DIAPH2: variants seen among roughly 807,000 people sequenced by gnomAD.
DIAPH2 encodes diaphanous related formin 2, also known as protein diaphanous homolog 2.
Under a neutral mutation model 92.7 loss-of-function variants are expected in DIAPH2, and 35 were observed. The ratio of observed to expected loss-of-function variants is 0.38; its 90% CI spans 0.29 to 0.50. DIAPH2 has a LOEUF of 0.50. DIAPH2 is among the 20% of genes least tolerant of loss of function. The pLI is 0.94. For synonymous variants in DIAPH2, 301 were observed against 280.4 expected (o/e 1.07, Z -0.73); for missense variants, 701 against 819.5 (o/e 0.86, Z 1.77).
At position 97,330,008 on chromosome X, in the gene DIAPH2, C is replaced by G. The variant is rs183118848; in HGVS notation, c.2845-18108C>G. On this transcript the variant is annotated intron_variant, in intron 23 of 26. Coordinates refer to ENST00000324765, the MANE Select transcript of DIAPH2 (RefSeq NM_006729.5). ...ATTGCCTAGGGGAGAAGGAGAAAGT[C>G]ACTGACCCCTCTCTCCTGAACTTGC... Among the ~76,000 whole-genome samples the G allele has an allele frequency of 9.4e-5, 10 of 106,120 alleles. No homozygotes were observed. In the Admixed American group the frequency reaches 1.0e-3, roughly 11 times the overall value. 92.2% of individuals were successfully genotyped at this position (106,120 alleles called of 115,157 possible).
chrX:97,485,036 G>A (rs1029851215), intron 26 of DIAPH2, among the ~76,000 whole-genome samples: 5 of 112,115 alleles, frequency 4.5e-5, no homozygotes, highest in Non-Finnish European at 7.5e-5. Flanking sequence ...TAAATAACTA[G>A]ATATATACAT....
At chrX:97,023,407 A>G (rs2066311113) in intron 17 of DIAPH2, among the ~76,000 whole-genome samples, 1 of 111,819 alleles carries the variant, frequency 8.9e-6, no homozygotes, top group African/African-American at 3.3e-5. Flanking sequence ...TGTACCAGAC[A>G]CTGCTCTAAG....
intron 4 of DIAPH2, among the ~76,000 whole-genome samples, chrX:96,845,288 G>C (rs375782708): frequency 6.3e-5 from 7 of 111,562 alleles, no homozygotes; most frequent in African/African-American, 2.3e-4. Flanking sequence ...AGATACTTAG[G>C]TACTCAACTC....
At chrX:96,873,452 T>C (rs1192861702) in intron 4 of DIAPH2, among the ~76,000 whole-genome samples, 1 of 110,165 alleles carries the variant, frequency 9.1e-6, no homozygotes, top group African/African-American at 3.3e-5. Context: ...AATGATACTT[T>C]TGAAAAAAAA....
At chrX:96,968,215 A>AT (rs1199921730) in intron 17 of DIAPH2, among the ~76,000 whole-genome samples, 2 of 107,423 alleles carry the variant, frequency 1.9e-5, no homozygotes, top group East Asian at 2.9e-4. Flanking sequence ...TTTTTATTTT[A>AT]TTTATTTATT....
At chrX:97,410,481 C>T (rs997601707) in intron 25 of DIAPH2, among the ~76,000 whole-genome samples, 6 of 112,009 alleles carry the variant, frequency 5.4e-5, no homozygotes, top group Non-Finnish European at 1.1e-4. Flanking sequence ...GGTGAAAATT[C>T]TAAAAATCAG....
At chrX:96,693,971 G>A (rs923394288) in intron 1 of DIAPH2, among the ~76,000 whole-genome samples, 2 of 112,467 alleles carry the variant, frequency 1.8e-5, no homozygotes, top group African/African-American at 6.5e-5. Flanking sequence ...GAAGGCAGAG[G>A]TTGCAGTGAG....
At chrX:97,048,981 T>C (rs748866271) in intron 17 of DIAPH2, among the ~76,000 whole-genome samples, 1 of 109,126 alleles carries the variant, frequency 9.2e-6, no homozygotes, top group East Asian at 2.8e-4. Flanking sequence ...CGCACAATCT[T>C]CTTTTTTAGT....
chrX:97,454,400 G>GTA (rs2070384717), intron 26 of DIAPH2, among the ~76,000 whole-genome samples: 1 of 111,100 alleles, frequency 9.0e-6, no homozygotes, highest in African/African-American at 3.3e-5. Context: ...AAAGAAATAG[G>GTA]TATATATATA....
chrX:97,268,598 T>C (rs1333499734), intron 23 of DIAPH2, among the ~76,000 whole-genome samples: 1 of 112,344 alleles, frequency 8.9e-6, no homozygotes, highest in Non-Finnish European at 1.9e-5. Context: ...ATGTGCTTAG[T>C]TCTACCATTT....
intron 4 of DIAPH2, among the ~76,000 whole-genome samples, chrX:96,855,529 C>T (rs912081124): frequency 2.8e-5 from 3 of 108,471 alleles, no homozygotes; most frequent in Non-Finnish European, 5.7e-5. Context: ...AGTCTATATC[C>T]TCATGAAGAT....
chrX:97,245,339 G>T (rs550396771), intron 22 of DIAPH2, among the ~76,000 whole-genome samples: 6 of 109,195 alleles, frequency 5.5e-5, no homozygotes, highest in African/African-American at 2.0e-4. Context: ...TTTAAGGCAG[G>T]GTCTCACTCT....
intron 5 of DIAPH2, among the ~76,000 whole-genome samples, chrX:96,888,612 TATC>T (rs1405309241): frequency 5.0e-5 from 5 of 100,342 alleles, no homozygotes; most frequent in Non-Finnish European, 7.9e-5. Context: ...TATCTATATA[TATC>T]TATATATATA....
chrX:97,427,490 G>A (rs2070079498), intron 25 of DIAPH2, among the ~76,000 whole-genome samples: 1 of 111,305 alleles, frequency 9.0e-6, no homozygotes, highest in African/African-American at 3.3e-5. Flanking sequence ...TCAGTATGTT[G>A]TGAGGATTAA....
In DIAPH2 at chrX:97,258,743, C is replaced by T. The variant is rs759529750; in HGVS notation, c.2844+10904C>T. ...AAAATTAGCCGGTCGTGGTGGCGGGCGCCTGTAGTCCCAGCTACTCGGGAG... is the reference window on the plus strand; with the variant it reads ...AAAATTAGCCGGTCGTGGTGGCGGGTGCCTGTAGTCCCAGCTACTCGGGAG... On this transcript the variant is annotated intron_variant, in intron 23 of 26. Transcript: ENST00000324765. 6.7e-5 allele frequency among the ~76,000 whole-genome samples: 7 copies of T among 104,861 alleles called. No individual in the cohort carries two copies. The South Asian group carries it at 2.7e-3, about 40-fold the overall frequency. The allele number at this position is 104,861 out of a possible 115,157, so 91.1% of individuals were successfully genotyped here.
intron 1 of DIAPH2, among the ~76,000 whole-genome samples, chrX:96,723,916 A>ATTTTTTTTT (rs149595440): frequency 4.2e-5 from 3 of 71,297 alleles, no homozygotes; most frequent in African/African-American, 1.1e-4. Flanking sequence ...TGATTCTATA[A>ATTTTTTTTT]TTTTTTTTTT....
At chrX:97,004,874 T>A (rs1194325795) in intron 17 of DIAPH2, among the ~76,000 whole-genome samples, 1 of 112,123 alleles carries the variant, frequency 8.9e-6, no homozygotes, top group Non-Finnish European at 1.9e-5. Context: ...CCTAGTTGTG[T>A]TACAGATCTT....
At chrX:97,209,676 A>G (rs1363124162) in intron 22 of DIAPH2, among the ~76,000 whole-genome samples, 1 of 110,941 alleles carries the variant, frequency 9.0e-6, no homozygotes, top group Non-Finnish European at 1.9e-5. Flanking sequence ...TATAATTATC[A>G]AGAATTATAA....
intron 23 of DIAPH2, among the ~76,000 whole-genome samples, chrX:97,263,500 A>G (rs1209063527): frequency 9.0e-6 from 1 of 111,667 alleles, no homozygotes; most frequent in Non-Finnish European, 1.9e-5. Flanking sequence ...TTTATTAGGC[A>G]CTATAACTAT....
Sources: gnomAD v4.1 joint callset for allele counts (sites outside exome capture counted in the v4.1 genomes callset) on GRCh38, gnomAD v4.1.1 for gene constraint, MANE v1.5 for transcripts, NCBI Gene and HGNC (gene_info 2026-07-23, HGNC 2026-07-21) for gene names.